DLGAP2: variants seen among roughly 807,000 people sequenced by gnomAD.
The protein encoded by DLGAP2 is DLG associated protein 2.
DLGAP2 carries 26 observed loss-of-function variants against 100.3 expected under a neutral mutation model. The observed-to-expected ratio is 0.26, with a 90% CI of 0.19 to 0.36. The LOEUF is 0.36. Ranked by LOEUF, DLGAP2 falls within the 10% of genes least tolerant of loss-of-function variation. DLGAP2 has a pLI of 1.00. For missense variants in DLGAP2, 1,858 were observed against 1,453.2 expected, an observed-to-expected ratio of 1.28 and a Z score of -4.53; for synonymous variants, 886 against 630.1, an observed-to-expected ratio of 1.41 and a Z score of -6.08.
At chr8:1,162,863 G>A (rs771699488) in intron 2 of DLGAP2, among the ~76,000 whole-genome samples, 20 of 152,212 alleles carry the variant, frequency 1.3e-4, no homozygotes, top group Admixed American at 2.6e-4. Context: ...GCTAGCCCCG[G>A]CACGGGGGCA....
In DLGAP2 at chr8:1,678,629, A is replaced by G. The variant is rs1286230080; in HGVS notation, c.2704A>G (p.Ile902Val). 6.5e-7 allele frequency: 1 copy of G among 1,535,518 alleles called. No homozygotes were observed. The highest frequency in any genetic ancestry group is 8.8e-7 in the Non-Finnish European group (1 of 1,138,060). Reference sequence around the variant, plus strand: ...GGAGGAGAACGACCTCTCGGAGGAAAGTAAGAGCTCAGGCTTCCCTAGGGC... The same window carrying G: ...GGAGGAGAACGACCTCTCGGAGGAAGGTAAGAGCTCAGGCTTCCCTAGGGC... ...EAEENDLSEE[I>V]LGKIRSAVGS... The change falls in exon 12 of 15, where the codon ATT becomes GTT. Residue 902 changes from isoleucine to valine, a missense_variant and splice_region_variant. Physicochemically the swap from Ile to Val is conservative, Grantham distance 29. Coordinates refer to ENST00000637795, the MANE Select transcript of DLGAP2 (RefSeq NM_001346810.2).
rs58911784 is a variant in DLGAP2, at chr8:1,007,635, T to TG, written c.73+99678dup. On this transcript the variant is annotated intron_variant, in intron 2 of 14. Coordinates refer to ENST00000637795, the MANE Select transcript of DLGAP2 (RefSeq NM_001346810.2). ...CTTCTCTATGGGTAGTTTTTTTTTT[T>TG]GGGGGGGGGATCTTCTGTGAGTCAA... Among the ~76,000 whole-genome samples, 123 of 142,568 alleles carry TG rather than the reference T, an allele frequency of 8.6e-4. 2 individuals are homozygous for TG. Among genetic ancestry groups the TG allele is most frequent in the South Asian group, 3.0e-3 (13 of 4,398 alleles). 93.5% of individuals were successfully genotyped at this position (142,568 alleles called of 152,430 possible).
chr8:1,456,918 G>T (rs151293324), intron 3 of DLGAP2, among the ~76,000 whole-genome samples: 2 of 150,930 alleles, frequency 1.3e-5, no homozygotes, highest in African/African-American at 4.9e-5. Flanking sequence ...CCTGCCCTCC[G>T]GCCCCGAGCG....
chr8:1,330,334 C>T (rs190920132), intron 3 of DLGAP2, among the ~76,000 whole-genome samples: 933 of 127,762 alleles, frequency 7.3e-3, no homozygotes, highest in South Asian at 0.018. Context: ...GTGGGAGCAC[C>T]GCTTCGCGGG....
At chr8:1,179,508 T>C (rs780614729) in intron 2 of DLGAP2, among the ~76,000 whole-genome samples, 2 of 152,282 alleles carry the variant, frequency 1.3e-5, no homozygotes, top group Admixed American at 1.3e-4. Context: ...CACAGGCACC[T>C]GGCTGCTGGG....
chr8:943,301 G>GAA (rs56074255), intron 2 of DLGAP2, among the ~76,000 whole-genome samples: 18 of 151,324 alleles, frequency 1.2e-4, no homozygotes, highest in African/African-American at 4.1e-4. Flanking sequence ...TCATCAGTGG[G>GAA]AAAAAAAAAT....
chr8:1,520,672 T>G (rs1344105196), intron 4 of DLGAP2, among the ~76,000 whole-genome samples: 2 of 152,182 alleles, frequency 1.3e-5, no homozygotes, highest in East Asian at 3.9e-4. Context: ...ACCCATGGAT[T>G]CAAAGAGTGT....
At chr8:1,422,889 C>A (rs1308130362) in intron 3 of DLGAP2, among the ~76,000 whole-genome samples, 3 of 152,096 alleles carry the variant, frequency 2.0e-5, no homozygotes, top group African/African-American at 7.2e-5. Flanking sequence ...CGGTGTGAGG[C>A]CTGAGGAAGC....
intron 2 of DLGAP2, among the ~76,000 whole-genome samples, chr8:1,010,426 A>G (rs758332350): frequency 5.9e-5 from 9 of 152,250 alleles, no homozygotes; most frequent in Non-Finnish European, 1.3e-4. Context: ...ACATGTGCCC[A>G]CATATGCACA....
chr8:1,331,685 G>A (rs1269523580), intron 3 of DLGAP2, among the ~76,000 whole-genome samples: 29 of 152,154 alleles, frequency 1.9e-4, no homozygotes, highest in Non-Finnish European at 1.0e-4. Flanking sequence ...AAATATCCCG[G>A]ATGTGAAAGA....
At chr8:1,258,747 C>G in intron 2 of DLGAP2, 104 bp from the exon 3 acceptor site, 1 of 1,009,288 alleles carries the variant, frequency 9.9e-7, no homozygotes, top group Non-Finnish European at 1.3e-6. Flanking sequence ...GGTCAAGCGG[C>G]GTCATCTTAA....
chr8:1,135,787 T>A (rs1260675988), intron 2 of DLGAP2, among the ~76,000 whole-genome samples: 1 of 152,194 alleles, frequency 6.6e-6, no homozygotes, highest in East Asian at 1.9e-4. Context: ...GCTGGTGATA[T>A]TTCTGGTAGA....
chr8:1,176,247 C>T (rs769514718), intron 2 of DLGAP2, among the ~76,000 whole-genome samples: 1 of 152,110 alleles, frequency 6.6e-6, no homozygotes, highest in African/African-American at 2.4e-5. Flanking sequence ...CATCAGACCT[C>T]GTGAGAATTC....
chr8:1,678,691 C>T, intron 12 of DLGAP2, 62 bp downstream of exon 12: 2 of 1,414,056 alleles, frequency 1.4e-6, no homozygotes, highest in Middle Eastern at 2.3e-4. Context: ...CAAATATGCA[C>T]ATCACAGCAT....
At position 1,462,685 on chromosome 8, in the gene DLGAP2, G is replaced by A. The variant is rs150435859; in HGVS notation, c.107-38681G>A. ...AGCCTCCAGGACTCAGGCTGCCAGC[G>A]TGGGTGGCTGGGGAAGGGGAAGGGA... On this transcript the variant is annotated intron_variant, in intron 3 of 14. Transcript: ENST00000637795. Among the ~76,000 whole-genome samples the A allele has an allele frequency of 4.1e-3, 623 of 152,278 alleles. 4 individuals carry two copies. Among genetic ancestry groups the A allele is most frequent in the African/African-American group, 0.014 (579 of 41,552 alleles).
chr8:1,598,439 G>A (rs1433978319), intron 6 of DLGAP2, among the ~76,000 whole-genome samples: 1 of 152,176 alleles, frequency 6.6e-6, no homozygotes, highest in African/African-American at 2.4e-5. Context: ...AGAAGGAATG[G>A]TACCAGCTCC....
At chr8:965,272 C>CA (rs1799826997) in intron 2 of DLGAP2, among the ~76,000 whole-genome samples, 1 of 138,298 alleles carries the variant, frequency 7.2e-6, no homozygotes. Flanking sequence ...CCAACCCCCG[C>CA]GTGCACACGG....
intron 3 of DLGAP2, among the ~76,000 whole-genome samples, chr8:1,414,153 G>GGGGAGTT (rs1452921007): frequency 2.0e-5 from 3 of 152,176 alleles, no homozygotes; most frequent in Non-Finnish European, 4.4e-5. Context: ...TCAGGGTTGG[G>GGGGAGTT]GGGAGTTGTC....
At chr8:850,078 A>C (rs1585929973) in intron 1 of DLGAP2, among the ~76,000 whole-genome samples, 1 of 148,548 alleles carries the variant, frequency 6.7e-6, no homozygotes, top group South Asian at 2.2e-4. Context: ...AAAAAAAAAA[A>C]CTAGGTTGTT....
Sources: gnomAD v4.1 joint callset for allele counts (sites outside exome capture counted in the v4.1 genomes callset) on GRCh38, gnomAD v4.1.1 for gene constraint, MANE v1.5 for transcripts, NCBI Gene and HGNC (gene_info 2026-07-23, HGNC 2026-07-21) for gene names.